The following CDH13 variants were observed in gnomAD, a reference collection of about 807,000 sequenced individuals.
CDH13 encodes the protein cadherin-13.
Under a neutral mutation model 63.8 loss-of-function variants are expected in CDH13, and 24 were observed. The ratio of observed to expected loss-of-function variants is 0.38; its 90% CI spans 0.27 to 0.53. The LOEUF is 0.53. CDH13 is among the 20% of genes least tolerant of loss of function. The pLI, the probability that CDH13 is intolerant of heterozygous loss-of-function variation, is 0.85. For synonymous variants in CDH13, 503 were observed against 355.3 expected, an observed-to-expected ratio of 1.42 and a Z score of -4.67; for missense variants, 1,049 against 903.1, an observed-to-expected ratio of 1.16 and a Z score of -2.07.
intron 7 of CDH13, among the ~76,000 whole-genome samples, chr16:83,547,379 G>A (rs1391107197): frequency 6.6e-6 from 1 of 152,178 alleles, no homozygotes; most frequent in African/African-American, 2.4e-5. Context: ...TGCCATGGGG[G>A]TTTGGTGTAC....
intron 5 of CDH13, among the ~76,000 whole-genome samples, chr16:83,333,060 C>T (rs546864755): frequency 2.0e-5 from 3 of 151,976 alleles, no homozygotes; most frequent in East Asian, 1.9e-4. Flanking sequence ...CCCCTTTGAT[C>T]GTTTTTATAA....
chr16:83,794,816 A>G (rs1183086586), intron 13 of CDH13, among the ~76,000 whole-genome samples: 1 of 152,082 alleles, frequency 6.6e-6, no homozygotes, highest in African/African-American at 2.4e-5. Flanking sequence ...CACCATTAGC[A>G]TTTTCAGAGA....
intron 6 of CDH13, among the ~76,000 whole-genome samples, chr16:83,443,572 C>G (rs1485808116): frequency 6.6e-6 from 1 of 151,582 alleles, no homozygotes; most frequent in Non-Finnish European, 1.5e-5. Flanking sequence ...TCTAGTCTTC[C>G]TAAAGGAATC....
chr16:82,689,573 C>T (rs190633100), intron 1 of CDH13, among the ~76,000 whole-genome samples: 1 of 152,144 alleles, frequency 6.6e-6, no homozygotes, highest in Admixed American at 6.5e-5. Flanking sequence ...CATATTTCTT[C>T]TACACTTGAA....
intron 4 of CDH13, among the ~76,000 whole-genome samples, chr16:83,215,391 T>G (rs1333288998): frequency 6.6e-6 from 1 of 152,074 alleles, no homozygotes; most frequent in African/African-American, 2.4e-5. Flanking sequence ...CATAGTTTAT[T>G]TTTAATTTTC....
intron 1 of CDH13, among the ~76,000 whole-genome samples, chr16:82,784,656 C>T (rs959476597): frequency 2.0e-5 from 3 of 152,026 alleles, no homozygotes; most frequent in African/African-American, 7.3e-5. Flanking sequence ...GGATAAGGGT[C>T]ATAGGGGAAA....
intron 10 of CDH13, among the ~76,000 whole-genome samples, chr16:83,700,238 C>T (rs942556161): frequency 6.6e-6 from 1 of 152,188 alleles, no homozygotes; most frequent in Non-Finnish European, 1.5e-5. Flanking sequence ...TGGGATTCAT[C>T]CGTGTTGTCA....
At chr16:83,775,200 T>C (rs1187151750) in intron 11 of CDH13, among the ~76,000 whole-genome samples, 1 of 151,812 alleles carries the variant, frequency 6.6e-6, no homozygotes, top group Admixed American at 6.7e-5. Flanking sequence ...AGCCTCACCA[T>C]ACCTACAATG....
chr16:83,764,019 A>T (rs2150989794), intron 11 of CDH13, among the ~76,000 whole-genome samples: 1 of 152,292 alleles, frequency 6.6e-6, no homozygotes, highest in South Asian at 2.1e-4. Flanking sequence ...CAGAATGAAG[A>T]TAATGCCATC....
intron 10 of CDH13, among the ~76,000 whole-genome samples, chr16:83,716,745 G>C (rs995828136): frequency 1.3e-5 from 2 of 152,128 alleles, no homozygotes; most frequent in African/African-American, 4.8e-5. Flanking sequence ...GCCTTCCAAA[G>C]TGCTGGGATT....
chr16:83,362,822 C>T (rs1567617956), intron 6 of CDH13, among the ~76,000 whole-genome samples: 1 of 152,192 alleles, frequency 6.6e-6, no homozygotes, highest in Admixed American at 6.5e-5. Flanking sequence ...TCCTGCTCCC[C>T]AGCCAAGGCT....
intron 5 of CDH13, among the ~76,000 whole-genome samples, chr16:83,340,078 T>C (rs1342027364): frequency 6.6e-6 from 1 of 152,198 alleles, no homozygotes; most frequent in Non-Finnish European, 1.5e-5. Flanking sequence ...TTATACTTTG[T>C]TTTCTGCAAT....
chr16:83,614,397 C>A (rs912563960), intron 8 of CDH13, among the ~76,000 whole-genome samples: 2 of 152,206 alleles, frequency 1.3e-5, no homozygotes, highest in African/African-American at 4.8e-5. Flanking sequence ...ACTTCTCAGT[C>A]CCTTGTCTCT....
chr16:83,440,712 G>A (rs1430910513), intron 6 of CDH13, among the ~76,000 whole-genome samples: 2 of 151,552 alleles, frequency 1.3e-5, no homozygotes, highest in Non-Finnish European at 2.9e-5. Flanking sequence ...TTGAACCTGG[G>A]AGGTGGAGGC....
At position 83,624,347 on chromosome 16, in the gene CDH13, C is replaced by CCG. The variant is rs1254190384; in HGVS notation, c.1101+21754_1101+21755insGC. ...GAAATGATGAGATAACGCCCCCACC[C>CCG]CTGCCCCAGGTCAGCAGTCCCCAGC... On this transcript the variant is annotated intron_variant, in intron 8 of 13. Coordinates refer to ENST00000567109, the MANE Select transcript of CDH13 (RefSeq NM_001257.5). Among the ~76,000 whole-genome samples, 16 of 151,782 alleles carry CCG rather than the reference C, an allele frequency of 1.1e-4. No individual in the cohort carries two copies. The East Asian group carries it at 2.9e-3, about 28-fold the overall frequency.
intron 2 of CDH13, among the ~76,000 whole-genome samples, chr16:83,022,067 C>CTAAG (rs1433407410): frequency 6.6e-6 from 1 of 152,168 alleles, no homozygotes; most frequent in Non-Finnish European, 1.5e-5. Context: ...AGACTCTGGA[C>CTAAG]TAAGCCCTGT....
intron 1 of CDH13, among the ~76,000 whole-genome samples, chr16:82,630,171 T>G (rs963111174): frequency 6.6e-6 from 1 of 152,206 alleles, no homozygotes; most frequent in East Asian, 1.9e-4. Context: ...GCAGTGTTTA[T>G]TTGCAGAACT....
At position 83,323,904 on chromosome 16, in the gene CDH13, C is replaced by G. The variant is rs550903565; in HGVS notation, c.637-20958C>G. Among the ~76,000 whole-genome samples, 7 of 152,332 alleles carry G rather than the reference C, an allele frequency of 4.6e-5. No homozygotes were observed. The East Asian group carries it at 1.3e-3, about 29-fold the overall frequency. On this transcript the variant is annotated intron_variant, in intron 5 of 13. Transcript: ENST00000567109. ...CACCATCCTCCCTTACCTCTTGACC[C>G]CTTAGAGGTTTTAAACAGCCTTATT...
In CDH13 at chr16:82,867,322, G is replaced by A. The variant is rs185250650; in HGVS notation, c.157+8849G>A. Among the ~76,000 whole-genome samples the A allele has an allele frequency of 1.3e-4, 20 of 152,184 alleles. No individual in the cohort carries two copies. In the East Asian group the frequency reaches 2.5e-3, roughly 19 times the overall value. ...TGGTGATACATCAAGGAAATTTGCC[G>A]GTGTGTTTTCCCATCACTTTTATCA... On this transcript the variant is annotated intron_variant, in intron 2 of 13. Coordinates refer to ENST00000567109, the MANE Select transcript of CDH13 (RefSeq NM_001257.5).
Sources: gnomAD v4.1 joint callset for allele counts (sites outside exome capture counted in the v4.1 genomes callset) on GRCh38, gnomAD v4.1.1 for gene constraint, MANE v1.5 for transcripts, NCBI Gene and HGNC (gene_info 2026-07-23, HGNC 2026-07-21) for gene names.